Variants in UBE3B observed in about 807,000 individuals in gnomAD.
UBE3B encodes ubiquitin protein ligase E3B.
In UBE3B, 80 loss-of-function variants were observed where a neutral mutation model predicts 132.3. The ratio of observed to expected loss-of-function variants is 0.60; its 90% confidence interval spans 0.50 to 0.73. The LOEUF (loss-of-function observed/expected upper bound fraction) is 0.73, where lower values mean the gene tolerates loss of function less well. UBE3B is among the 30% of genes least tolerant of loss of function. The pLI is 0.00. For synonymous variants in UBE3B, 487 were observed against 520.4 expected (o/e 0.94, Z 0.87); for missense variants, 1,196 against 1,362.5 (o/e 0.88, Z 1.92).
chr12:109,523,170 G>A (rs1334500936), intron 21 of UBE3B, among the ~76,000 whole-genome samples: 4 of 152,152 alleles, frequency 2.6e-5, no homozygotes, highest in Non-Finnish European at 5.9e-5. Context: ...CATCAAGTCC[G>A]AGTGACTGTC....
Position 109,509,728 on chromosome 12 carries a change from T to A in UBE3B, c.1741+14T>A. 2 of 1,563,188 alleles carry A rather than the reference T, an allele frequency of 1.3e-6. No homozygotes were observed. On this transcript the variant is annotated intron_variant, in intron 16 of 27. Coordinates refer to ENST00000342494, the MANE Select transcript of UBE3B (RefSeq NM_130466.4). ...ATGGAATTGTAGGTAAGAGAAAAGG[T>A]GTCTGCTGTTGTTTGGTTGATGCTG...
At chr12:109,498,502 A>C in intron 11 of UBE3B, 149 bp downstream of exon 11, 1 of 918,694 alleles carries the variant, frequency 1.1e-6, no homozygotes, top group Non-Finnish European at 1.6e-6. Flanking sequence ...AGACAGTTAA[A>C]ATAGACATGT....
chr12:109,507,717 G>A lies in UBE3B; in HGVS notation c.1604G>A (p.Cys535Tyr). 1 of 1,613,166 alleles carries A rather than the reference G, an allele frequency of 6.2e-7. No homozygotes were observed. The highest frequency in any genetic ancestry group is 8.5e-7 in the Non-Finnish European group (1 of 1,179,654). ...LLAMLMLFCD[C>Y]SRHLITILDD... ...GCCATGCTGATGCTGTTCTGTGACT[G>A]TTCGCGGCACCTCATCACGTAGGTT... Residue 535 changes from cysteine to tyrosine, a missense_variant, in exon 15 of 28, where the codon TGT becomes TAT. Transcript: ENST00000342494.
chr12:109,503,095 T>C lies in UBE3B; in HGVS notation c.1355T>C (p.Val452Ala). The change falls in exon 14 of 28, where the codon GTC becomes GCC. Residue 452 changes from valine (V) to alanine (A), a missense_variant. Val to Ala is a moderately conservative substitution (Grantham distance 64). Transcript: ENST00000342494. ...NILRPVGGKR[V>A]DSAEVQKVCN... is the part of the protein sequence containing the mutation. ...CTCAGGCCTGTCGGGGGTAAACGGG[T>C]CGACTCTGCAGAAGTCCAGAAGGTT... 6.2e-7 allele frequency: 1 copy of C among 1,614,142 alleles called. No homozygotes were observed. Among genetic ancestry groups the C allele is most frequent in the South Asian group, 1.1e-5 (1 of 91,082 alleles).
chr12:109,510,412 C>G lies in UBE3B; in HGVS notation c.1810C>G (p.Arg604Gly), dbSNP rs375384123. The change falls in exon 17 of 28, where the codon CGG becomes GGG. Residue 604 changes from arginine (R) to glycine (G), a missense_variant. By Grantham distance (125) the Arg-to-Gly change is moderately radical. Transcript: ENST00000342494. ...VHGWLMVLYE[R>G]DCRRRFTPED... ...CGGGTGGCTTATGGTGCTGTACGAG[C>G]GGGACTGCCGGCGGCGCTTCACCCC... 1.2e-6 allele frequency: 2 copies of G among 1,612,892 alleles called. No individual in the cohort carries two copies. The highest frequency in any genetic ancestry group is 2.7e-5 in the African/African-American group (2 of 74,878).
At chr12:109,481,443 T>C (rs774208483) in intron 1 of UBE3B, among the ~76,000 whole-genome samples, 194 bp from the exon 2 acceptor site, 7 of 152,208 alleles carry the variant, frequency 4.6e-5, no homozygotes, top group Non-Finnish European at 7.3e-5. Flanking sequence ...TTTCAACATA[T>C]TCCCTTTAAA....
chr12:109,531,116 A>G (rs1882895578), intron 26 of UBE3B, among the ~76,000 whole-genome samples: 1 of 152,154 alleles, frequency 6.6e-6, no homozygotes, highest in Admixed American at 6.5e-5. Context: ...CTGTCTCTCT[A>G]TACCCATTTT....
Position 109,521,149 on chromosome 12 carries a change from A to G in UBE3B, c.2078A>G (p.Asp693Gly). 6.2e-7 allele frequency: 1 copy of G among 1,614,036 alleles called. No individual in the cohort carries two copies. Residue 693 changes from aspartate (D) to glycine (G), a missense_variant and splice_region_variant, in exon 20 of 28, where the codon GAC (aspartate) becomes GGC (glycine). Coordinates refer to ENST00000342494, the MANE Select transcript of UBE3B (RefSeq NM_130466.4). This position sits in a 1 kb window ranked among gnomAD's most constrained non-coding sequence, Gnocchi z 4.2. ...GGGCTGTAATTCTGCTCTTGGCAGGACGGCTACGAGCAGCTTAGGCAGCTC... is the reference window on the plus strand; with the variant it reads ...GGGCTGTAATTCTGCTCTTGGCAGGGCGGCTACGAGCAGCTTAGGCAGCTC... The part of the protein sequence containing the change: ...ITIRRSRMLE[D>G]GYEQLRQLSQ...
At chr12:109,505,222 TTAAAATACTGC>T (rs1473805594) in intron 14 of UBE3B, among the ~76,000 whole-genome samples, 4 of 152,258 alleles carry the variant, frequency 2.6e-5, no homozygotes, top group African/African-American at 7.2e-5. Flanking sequence ...ACGCTTGTTT[TTAAAATACTGC>T]TGTTTTTCTA....
chr12:109,544,610 C>T, the UBE3B span, among the ~76,000 whole-genome samples: 1 of 152,166 alleles, frequency 6.6e-6, no homozygotes, highest in East Asian at 1.9e-4. Context: ...CCCAGATCCC[C>T]CCAGCCCATG....
At chr12:109,490,044 C>T (rs752829020) in intron 8 of UBE3B, 40 bp downstream of exon 8, 22 of 1,574,652 alleles carry the variant, frequency 1.4e-5, no homozygotes, top group Middle Eastern at 1.7e-4. Flanking sequence ...CTTCTCCACT[C>T]TCCAACACCT....
Position 109,521,642 on chromosome 12 carries a change from A to G in UBE3B, c.2364+91A>G. ...TACACATATGTGATCAGGCTTGGCC[A>G]TGTAAACTGTCACTAGGATACAAGC... On this transcript the variant is annotated intron_variant, in intron 21 of 27. Coordinates refer to ENST00000342494, the MANE Select transcript of UBE3B (RefSeq NM_130466.4). The surrounding 1 kb of genome is among the most constrained non-coding windows in gnomAD (Gnocchi z 4.2). The G allele has an allele frequency of 1.7e-6, 2 of 1,206,204 alleles. No individual in the cohort carries two copies. Among genetic ancestry groups the G allele is most frequent in the Non-Finnish European group, 2.3e-6 (2 of 876,590 alleles). The allele number at this position is 1,206,204 out of a possible 1,614,324, so 74.7% of individuals were successfully genotyped here.
At chr12:109,529,366 G>C (rs767564175) in intron 24 of UBE3B, among the ~76,000 whole-genome samples, 8 of 152,160 alleles carry the variant, frequency 5.3e-5, no homozygotes, top group African/African-American at 1.7e-4. Flanking sequence ...GCCCAGCTGC[G>C]TGTTTAAAGC....
chr12:109,528,379 A>C (rs539440876), intron 24 of UBE3B: 1 of 985,242 alleles, frequency 1.0e-6, no homozygotes, highest in Non-Finnish European at 1.2e-6. Context: ...AGGAGGAGCA[A>C]TGATAGGAAA....
chr12:109,546,115 A>C, the UBE3B span, among the ~76,000 whole-genome samples: 1 of 152,276 alleles, frequency 6.6e-6, no homozygotes, highest in Non-Finnish European at 1.5e-5. Context: ...CCTTGGCTGC[A>C]TCTGGGAACG....
downstream of UBE3B, among the ~76,000 whole-genome samples, chr12:109,538,239 C>G (rs1449698146): frequency 6.6e-6 from 1 of 152,232 alleles, no homozygotes. The surrounding 1 kb of genome is among the most constrained non-coding windows in gnomAD (Gnocchi z 4.1). Flanking sequence ...GCCATAGGGT[C>G]TGGACAGCTG....
In UBE3B at chr12:109,490,333, T is replaced by C. The variant is rs564802468; in HGVS notation, c.630+329T>C. 1,333 of 1,405,386 alleles carry C rather than the reference T, an allele frequency of 9.5e-4. 2 individuals carry two copies. The highest frequency in any genetic ancestry group is 1.2e-3 in the Non-Finnish European group (1,245 of 1,060,192). The allele number at this position is 1,405,386 out of a possible 1,614,324, so 87.1% of individuals were successfully genotyped here. On this transcript the variant is annotated intron_variant, in intron 8 of 27. Coordinates refer to ENST00000342494, the MANE Select transcript of UBE3B (RefSeq NM_130466.4). Reference sequence around the variant, plus strand: ...TGGTTGATGTCTAGAATCATATTTCTAGCTCTGTGTCCTCAAACAGCCCTT... The same window carrying C: ...TGGTTGATGTCTAGAATCATATTTCCAGCTCTGTGTCCTCAAACAGCCCTT...
At chr12:109,490,990 A>G (rs1041735379) in intron 8 of UBE3B, 55 bp from the exon 9 acceptor site, 35 of 1,576,788 alleles carry the variant, frequency 2.2e-5, no homozygotes, top group Admixed American at 7.0e-5. Flanking sequence ...TCTTTTATGT[A>G]CAAATGAATA....
At chr12:109,530,445 G>T in intron 25 of UBE3B, 102 bp from the exon 26 acceptor site, 1 of 918,280 alleles carries the variant, frequency 1.1e-6, no homozygotes, top group East Asian at 2.4e-5. Context: ...TGTTCCCCAG[G>T]CCTGCCAGAG....
Sources: allele counts gnomAD v4.1 joint callset (sites outside exome capture counted in the v4.1 genomes callset), GRCh38; gene constraint gnomAD v4.1.1; non-coding constraint Gnocchi (gnomAD v3.1); transcripts MANE v1.5; gene names NCBI Gene and HGNC (gene_info 2026-07-23, HGNC 2026-07-21).